The following PDIA2 variants were observed in gnomAD, a reference collection of about 807,000 sequenced individuals.
PDIA2 encodes protein disulfide-isomerase A2.
In PDIA2, 76 loss-of-function variants were observed where a neutral mutation model predicts 51.1. That is an observed-to-expected ratio of 1.49 (90% CI 1.24 to 1.80). The LOEUF (loss-of-function observed/expected upper bound fraction) is 1.80. Among genes scored for constraint, PDIA2 ranks in the 40% most tolerant of loss-of-function variants. The pLI is 0.00. For synonymous variants in PDIA2, 429 were observed against 309.9 expected (o/e 1.38, Z -4.04); for missense variants, 946 against 706.5 (o/e 1.34, Z -3.84).
At position 287,103 on chromosome 16, in the gene PDIA2, A is replaced by AG. The variant is rs748529301; in HGVS notation, c.1570dup (p.Glu524GlyfsTer33). On this transcript the variant is annotated frameshift_variant, in exon 11 of 11. Coordinates refer to ENST00000219406, the MANE Select transcript of PDIA2 (RefSeq NM_006849.4). LOFTEE classifies it high-confidence loss of function. ...GCCAACTCCACTATGGGGTCCAAGG[A>AG]GGAACTGTAGCTGCCCCCGTGTCAC... 1 of 1,612,758 alleles carries AG rather than the reference A, an allele frequency of 6.2e-7. No individual in the cohort carries two copies. Among genetic ancestry groups the AG allele is most frequent in the Non-Finnish European group, 8.5e-7 (1 of 1,179,942 alleles).
At position 284,673 on chromosome 16, in the gene PDIA2, G is replaced by A; in HGVS notation, c.421G>A (p.Glu141Lys). Residue 141 changes from glutamate (E) to lysine (K), a missense_variant, in exon 3 of 11, where the codon GAG becomes AAG. Physicochemically the swap from Glu to Lys is moderately conservative, Grantham distance 56 (BLOSUM62 1). Coordinates refer to ENST00000219406, the MANE Select transcript of PDIA2 (RefSeq NM_006849.4). The stretch of plus-strand genomic sequence containing the variant: ...ACTCCCTGCAGGACCACGGGACGCT[G>A]AGGGCATTGCCGAGTGGCTGCGACG... ...PEEYTGPRDA[E>K]GIAEWLRRRV... 6.3e-7 allele frequency: 1 copy of A among 1,593,550 alleles called. No homozygotes were observed. Among genetic ancestry groups the A allele is most frequent in the Non-Finnish European group, 8.5e-7 (1 of 1,175,138 alleles).
At position 285,378 on chromosome 16, in the gene PDIA2, GC is replaced by G. The variant is rs765901946; in HGVS notation, c.863del (p.Ala288ValfsTer7). On this transcript the variant is annotated frameshift_variant, in exon 6 of 11. Coordinates refer to ENST00000219406, the MANE Select transcript of PDIA2 (RefSeq NM_006849.4). LOFTEE classifies it high-confidence loss of function. ...GCTGCTGTTTGTCAACCAGACGCTG[GC>G]TGCGCACCGGGAGCTCCTAGCGGGC... ...HLLLFVNQTL[A>X]AHRELLAGFG... 1 of 1,612,716 alleles carries G rather than the reference GC, an allele frequency of 6.2e-7. No individual in the cohort carries two copies. The highest frequency in any genetic ancestry group is 1.1e-5 in the South Asian group (1 of 91,074).
chr16:286,867 G>A lies in PDIA2; in HGVS notation c.1455G>A (p.Glu485=), dbSNP rs778546060. 9.9e-6 allele frequency: 16 copies of A among 1,608,136 alleles called. No homozygotes were observed. The highest frequency in any genetic ancestry group is 9.4e-5 in the African/African-American group (7 of 74,622). ...AATACAAAAGCACCAGGGACCTGGA[G>A]ACTTTCTCCAAGTTCCTGGACAACG... is the stretch of plus-strand genomic sequence containing the variant. ...VIEYKSTRDL[E]TFSKFLDNGG... is the part of the protein sequence containing the mutation. The change falls in exon 10 of 11, where the codon GAG becomes GAA. Residue 485 remains glutamate (E), a synonymous_variant. Transcript: ENST00000219406.
At chr16:284,255 T>G (rs1318559399) in intron 1 of PDIA2, 132 bp from the exon 2 acceptor site, 16 of 917,656 alleles carry the variant, frequency 1.7e-5, no homozygotes, top group Middle Eastern at 3.2e-4. Flanking sequence ...GAGGCACTGG[T>G]GCTCGGCTTG....
Position 284,440 on chromosome 16 carries a change from G to C in PDIA2, c.253G>C (p.Ala85Pro), listed in dbSNP as rs2052325977. 2 of 1,592,462 alleles carry C rather than the reference G, an allele frequency of 1.3e-6. No individual in the cohort carries two copies. The highest frequency in any genetic ancestry group is 1.3e-5 in the African/African-American group (1 of 74,740). ...CCTGGCCCCCGAGTACAGCAAGGCA[G>C]CTGCCGTGCTCGCGGCCGAGTCAAT... ...QALAPEYSKA[A>P]AVLAAESMVV... Residue 85 changes from alanine to proline, a missense_variant, in exon 2 of 11, where the codon GCT (alanine) becomes CCT (proline). Ala to Pro is a conservative substitution (Grantham distance 27, BLOSUM62 -1). Coordinates refer to ENST00000219406, the MANE Select transcript of PDIA2 (RefSeq NM_006849.4).
rs892329479 is a variant in PDIA2, at chr16:285,716, C to A, written c.1119+13C>A. The A allele has an allele frequency of 1.9e-6, 3 of 1,610,800 alleles. No individual in the cohort carries two copies. Among genetic ancestry groups the A allele is most frequent in the Middle Eastern group, 1.7e-4 (1 of 6,050 alleles). On this transcript the variant is annotated intron_variant, in intron 7 of 10. Coordinates refer to ENST00000219406, the MANE Select transcript of PDIA2 (RefSeq NM_006849.4). The stretch of plus-strand genomic sequence containing the variant: ...CGGCCAAGTCAAGGTCCGCTGCAGA[C>A]TGCTCATAATGGAAGGGGAACCCTG...
At chr16:285,892 CCCGCGGTTCT>C (rs1468657158) in intron 7 of PDIA2, among the ~76,000 whole-genome samples, 189 bp downstream of exon 7, 25 of 117,588 alleles carry the variant, frequency 2.1e-4, no homozygotes, top group African/African-American at 6.3e-4. Flanking sequence ...CAACCCCAAA[CCCGCGGTTCT>C]CCCAACCCCA....
chr16:284,458 G>T lies in PDIA2; in HGVS notation c.271G>T (p.Glu91Ter), dbSNP rs558374938. The stretch of plus-strand genomic sequence containing the variant: ...CAAGGCAGCTGCCGTGCTCGCGGCC[G>T]AGTCAATGGTGGTCACGCTGGCCAA... ...YSKAAAVLAA[E>*]SMVVTLAKVD... Residue 91 changes from glutamate to a stop codon, truncating the protein, a stop_gained, in exon 2 of 11, where the codon GAG (glutamate) becomes TAG (stop). Transcript: ENST00000219406. LOFTEE classifies it high-confidence loss of function. 6.2e-7 allele frequency: 1 copy of T among 1,602,424 alleles called. No homozygotes were observed.
rs1446317644 is a variant in PDIA2, at chr16:285,357, C to G, written c.841C>G (p.Leu281Val). Residue 281 changes from leucine (L) to valine (V), a missense_variant, in exon 6 of 11, where the codon CTG becomes GTG. Physicochemically the swap from Leu to Val is conservative, Grantham distance 32. Coordinates refer to ENST00000219406, the MANE Select transcript of PDIA2 (RefSeq NM_006849.4). ...FAARILNHLL[L>V]FVNQTLAAHR... Reference sequence around the variant, plus strand: ...GGCCAGGATCCTCAACCACCTGCTGCTGTTTGTCAACCAGACGCTGGCTGC... The same window carrying G: ...GGCCAGGATCCTCAACCACCTGCTGGTGTTTGTCAACCAGACGCTGGCTGC... 5.6e-6 allele frequency: 9 copies of G among 1,612,792 alleles called. No homozygotes were observed. The highest frequency in any genetic ancestry group is 7.6e-6 in the Non-Finnish European group (9 of 1,179,930).
intron 7 of PDIA2, among the ~76,000 whole-genome samples, chr16:286,062 A>G (rs1320077077): frequency 1.2e-5 from 1 of 83,366 alleles, no homozygotes; most frequent in Non-Finnish European, 2.4e-5. Context: ...CTCAACCCCA[A>G]CCCCACAGAG....
Position 284,367 on chromosome 16 carries a change from C to T in PDIA2, c.200-20C>T. On this transcript the variant is annotated intron_variant, in intron 1 of 10. Transcript: ENST00000219406. The stretch of plus-strand genomic sequence containing the variant: ...CCTGGGGTTGTGGTGGCCTGGGGCA[C>T]TCACGGCCCCATCCCCCAGATGCCC... The T allele has an allele frequency of 6.5e-7, 1 of 1,536,858 alleles. No homozygotes were observed. The highest frequency in any genetic ancestry group is 8.7e-7 in the Non-Finnish European group (1 of 1,146,596).
intron 1 of PDIA2, 69 bp from the exon 2 acceptor site, chr16:284,318 G>T (rs1270421629): frequency 5.6e-6 from 8 of 1,424,024 alleles, no homozygotes; most frequent in Non-Finnish European, 7.6e-6. Flanking sequence ...TCCCTGCTGG[G>T]TTGTCAGGTG....
In PDIA2 at chr16:284,707, G is replaced by GGCCCAGTGCCATGCGGCTGGA; in HGVS notation, c.457_477dup (p.Pro153_Glu159dup). 7.0e-6 allele frequency: 11 copies of GGCCCAGTGCCATGCGGCTGGA among 1,577,716 alleles called. No homozygotes were observed. The highest frequency in any genetic ancestry group is 9.4e-6 in the Non-Finnish European group (11 of 1,166,886). On this transcript the variant is annotated inframe_insertion, in exon 3 of 11. Coordinates refer to ENST00000219406, the MANE Select transcript of PDIA2 (RefSeq NM_006849.4). ...GCCGAGTGGCTGCGACGGCGGGTGG[G>GGCCCAGTGCCATGCGGCTGGA]GCCCAGTGCCATGCGGCTGGAGGAC...
chr16:286,286 C>G, intron 7 of PDIA2, 67 bp from the exon 8 acceptor site: 1 of 1,227,316 alleles, frequency 8.1e-7, no homozygotes, highest in Non-Finnish European at 1.1e-6. Context: ...ACCCCCCAGG[C>G]CCTGCACAGG....
rs754007920 is a variant in PDIA2, at chr16:284,774, G to A, written c.522G>A (p.Val174=). ...AQALIGGRDL[V]VIGFFQDLQD... is the part of the protein sequence containing the mutation. ...CGCTGATCGGTGGCCGGGACCTAGT[G>A]GTCATTGGCTTCTTCCAGGTGAGCC... The change falls in exon 3 of 11, where the codon GTG becomes GTA. Residue 174 remains valine, a synonymous_variant. Coordinates refer to ENST00000219406, the MANE Select transcript of PDIA2 (RefSeq NM_006849.4). 1.0e-5 allele frequency: 16 copies of A among 1,568,850 alleles called. No individual in the cohort carries two copies. The highest frequency in any genetic ancestry group is 1.3e-5 in the Non-Finnish European group (15 of 1,161,604).
At chr16:285,824 T>TCAACCCGGCAATTCTCC in intron 7 of PDIA2, 121 bp downstream of exon 7, 2 of 1,100,510 alleles carry the variant, frequency 1.8e-6, no homozygotes, top group East Asian at 2.7e-5. Context: ...GAGGCCCCCC[T>TCAACCCGGCAATTCTCC]CAACCCGGCA....
chr16:286,726 A>C lies in PDIA2; in HGVS notation c.1413A>C (p.Pro471=), dbSNP rs1182699165. The change falls in exon 9 of 11, where the codon CCA becomes CCC. Residue 471 remains proline, a synonymous_variant. Coordinates refer to ENST00000219406, the MANE Select transcript of PDIA2 (RefSeq NM_006849.4). ...CTCTCAAGTACTTCCCAGCAGGGCC[A>C]GGTCGGAAGGTATGGCGGACAGGTG... ...FPTLKYFPAG[P]GRKVIEYKST... The C allele has an allele frequency of 1.7e-5, 28 of 1,612,876 alleles. No homozygotes were observed. Among genetic ancestry groups the C allele is most frequent in the Non-Finnish European group, 2.4e-5 (28 of 1,179,964 alleles).
Position 285,492 on chromosome 16 carries a change from A to G in PDIA2, c.922-14A>G, listed in dbSNP as rs753513168. ...GGGAGAGTGGCCGGTGCCAGCATGG[A>G]CTCCCTGCCACAGGTGCTGTTCGTG... On this transcript the variant is annotated splice_polypyrimidine_tract_variant and intron_variant, in intron 6 of 10. Coordinates refer to ENST00000219406, the MANE Select transcript of PDIA2 (RefSeq NM_006849.4). The G allele has an allele frequency of 1.3e-5, 21 of 1,611,732 alleles. No homozygotes were observed. Among genetic ancestry groups the G allele is most frequent in the Non-Finnish European group, 1.7e-5 (20 of 1,179,738 alleles).
At position 287,175 on chromosome 16, in the gene PDIA2, G is replaced by A. The variant is rs1325096867; in HGVS notation, c.*62G>A. ...GGAGCCACCCCCTTGGGTACCAGAG[G>A]GAGCTGTGCATTGTGAATAAAGAGT... On this transcript the variant is annotated 3_prime_UTR_variant, in exon 11 of 11. Coordinates refer to ENST00000219406, the MANE Select transcript of PDIA2 (RefSeq NM_006849.4). The A allele has an allele frequency of 2.5e-6, 4 of 1,597,576 alleles. No homozygotes were observed. Among genetic ancestry groups the A allele is most frequent in the Admixed American group, 1.7e-5 (1 of 59,706 alleles).
Sources: allele counts gnomAD v4.1 joint callset (sites outside exome capture counted in the v4.1 genomes callset), GRCh38; gene constraint gnomAD v4.1.1; transcripts MANE v1.5; gene names NCBI Gene and HGNC (gene_info 2026-07-23, HGNC 2026-07-21).